Variants in CTNNA3 observed in about 807,000 individuals in gnomAD.
The protein encoded by CTNNA3 is catenin alpha-3.
A neutral mutation model predicts 95.7 loss-of-function variants in CTNNA3; 76 were observed. The ratio of observed to expected loss-of-function variants is 0.79; its 90% CI spans 0.66 to 0.96. CTNNA3 has a LOEUF of 0.96. CTNNA3 is among the 40% of genes least tolerant of loss of function. CTNNA3 has a pLI of 0.00. For missense variants in CTNNA3, 1,191 were observed against 1,089.8 expected (o/e 1.09, Z -1.31); for synonymous variants, 431 against 374.4 (o/e 1.15, Z -1.74).
chr10:66,926,149 GCTC>G (rs1191429533), intron 7 of CTNNA3: 35 of 460,508 alleles, frequency 7.6e-5, no homozygotes, highest in African/African-American at 5.2e-4. Flanking sequence ...TGAACTGGGT[GCTC>G]ATCACGGGAA....
chr10:66,828,050 A>G (rs1842578484), intron 7 of CTNNA3, among the ~76,000 whole-genome samples: 1 of 152,216 alleles, frequency 6.6e-6, no homozygotes, highest in Non-Finnish European at 1.5e-5. Context: ...ACATCTGCAA[A>G]GCAAAAGCAA....
At chr10:67,387,817 C>T (rs1251314640) in intron 5 of CTNNA3, among the ~76,000 whole-genome samples, 1 of 152,200 alleles carries the variant, frequency 6.6e-6, no homozygotes, top group Non-Finnish European at 1.5e-5. Context: ...CCTCACATGG[C>T]AGGGTATTCC....
At chr10:67,436,831 T>C (rs556181892) in intron 5 of CTNNA3, among the ~76,000 whole-genome samples, 1 of 152,140 alleles carries the variant, frequency 6.6e-6, no homozygotes, top group South Asian at 2.1e-4. Context: ...CAGTAGATGT[T>C]GGCATGGATG....
At chr10:67,488,747 G>A (rs931699646) in intron 5 of CTNNA3, among the ~76,000 whole-genome samples, 1 of 147,894 alleles carries the variant, frequency 6.8e-6, no homozygotes, top group African/African-American at 2.6e-5. Flanking sequence ...TCAGCTCACT[G>A]CAACCTCCGG....
At chr10:67,247,807 T>C (rs1182489021) in intron 5 of CTNNA3, among the ~76,000 whole-genome samples, 1 of 152,166 alleles carries the variant, frequency 6.6e-6, no homozygotes, top group East Asian at 1.9e-4. Context: ...CCCAAAAATA[T>C]GTACAACTAT....
rs192203646 is a variant in CTNNA3, at chr10:66,358,995, C to A, written c.1732+20157G>T. Among the ~76,000 whole-genome samples the A allele has an allele frequency of 2.6e-5, 4 of 152,274 alleles. No homozygotes were observed. In the East Asian group the frequency reaches 7.7e-4, roughly 29 times the overall value. The stretch of plus-strand genomic sequence containing the variant: ...AAAAGAATCCCACTATTTAATATAT[C>A]CTCAACCACAGTTAAACAACTGAAA... On this transcript the variant is annotated intron_variant, in intron 12 of 17. Coordinates refer to ENST00000433211, the MANE Select transcript of CTNNA3 (RefSeq NM_013266.4).
At chr10:66,311,880 T>C (rs368496665) in intron 12 of CTNNA3, among the ~76,000 whole-genome samples, 1 of 152,202 alleles carries the variant, frequency 6.6e-6, no homozygotes, top group Admixed American at 6.5e-5. Flanking sequence ...ACGTAGATGA[T>C]AAGACTTTTT....
intron 5 of CTNNA3, among the ~76,000 whole-genome samples, chr10:67,344,959 T>C (rs1842356355): frequency 6.6e-6 from 1 of 151,940 alleles, no homozygotes; most frequent in Admixed American, 6.6e-5. Flanking sequence ...TTTTTTTTTC[T>C]TTTTTGATAT....
intron 5 of CTNNA3, among the ~76,000 whole-genome samples, chr10:67,224,623 G>A (rs971216496): frequency 2.0e-5 from 3 of 152,114 alleles, no homozygotes; most frequent in Non-Finnish European, 4.4e-5. Context: ...GTCTGTTTGC[G>A]GGAGAAGTTT....
At chr10:66,907,870 T>A (rs1846057946) in intron 7 of CTNNA3, among the ~76,000 whole-genome samples, 1 of 152,128 alleles carries the variant, frequency 6.6e-6, no homozygotes, top group South Asian at 2.1e-4. Context: ...ATAAAGCAAA[T>A]ATGGTGAAGG....
At chr10:66,957,557 C>A (rs1361184366) in intron 7 of CTNNA3, among the ~76,000 whole-genome samples, 2 of 151,330 alleles carry the variant, frequency 1.3e-5, no homozygotes, top group African/African-American at 4.9e-5. Flanking sequence ...AGTCCTGGGT[C>A]CCAGTCCCAG....
intron 9 of CTNNA3, among the ~76,000 whole-genome samples, chr10:66,693,820 C>T (rs1418528940): frequency 6.6e-6 from 1 of 152,144 alleles, no homozygotes; most frequent in Non-Finnish European, 1.5e-5. Flanking sequence ...CTCAAAACCA[C>T]TCAACTACAT....
intron 13 of CTNNA3, among the ~76,000 whole-genome samples, chr10:66,217,978 C>T (rs1408632949): frequency 6.6e-6 from 1 of 152,002 alleles, no homozygotes; most frequent in Non-Finnish European, 1.5e-5. Flanking sequence ...GAGCTGGAGC[C>T]AGGAGAAGCT....
intron 11 of CTNNA3, among the ~76,000 whole-genome samples, chr10:66,473,823 T>A (rs920919142): frequency 1.3e-5 from 2 of 152,048 alleles, no homozygotes; most frequent in Non-Finnish European, 1.5e-5. Context: ...GCTTCATCCA[T>A]GTCCCTACAA....
intron 11 of CTNNA3, among the ~76,000 whole-genome samples, chr10:66,518,681 A>G (rs546285144): frequency 1.3e-5 from 2 of 152,256 alleles, no homozygotes; most frequent in East Asian, 1.9e-4. Context: ...TAAAAAGGCA[A>G]GTAACATAAA....
At chr10:66,029,398 C>T (rs2079407914) in intron 15 of CTNNA3, among the ~76,000 whole-genome samples, 1 of 151,754 alleles carries the variant, frequency 6.6e-6, no homozygotes, top group Non-Finnish European at 1.5e-5. Flanking sequence ...TTTGCTTACT[C>T]CAGTCTCAAA....
intron 11 of CTNNA3, among the ~76,000 whole-genome samples, chr10:66,441,884 T>A (rs1038745159): frequency 6.6e-6 from 1 of 152,184 alleles, no homozygotes; most frequent in Admixed American, 6.5e-5. Flanking sequence ...AAGCAAAATA[T>A]AAGAGAAAGA....
intron 6 of CTNNA3, among the ~76,000 whole-genome samples, chr10:67,218,828 C>G (rs1260084487): frequency 1.3e-5 from 2 of 152,178 alleles, no homozygotes; most frequent in African/African-American, 4.8e-5. Flanking sequence ...TCTCATTGTT[C>G]TCCTTCAGTC....
intron 9 of CTNNA3, among the ~76,000 whole-genome samples, chr10:66,644,278 CTG>C (rs1845616820): frequency 1.0e-5 from 1 of 97,008 alleles, no homozygotes; most frequent in Non-Finnish European, 2.0e-5. Flanking sequence ...GTCTGTCTGT[CTG>C]TCTGTCTGTC....
Sources: allele counts gnomAD v4.1 joint callset (sites outside exome capture counted in the v4.1 genomes callset), GRCh38; gene constraint gnomAD v4.1.1; transcripts MANE v1.5; gene names NCBI Gene and HGNC (gene_info 2026-07-23, HGNC 2026-07-21).